Variants in GRB2 observed in about 807,000 individuals in gnomAD.
GRB2 encodes the protein growth factor receptor-bound protein 2.
In GRB2, 2 loss-of-function variants were observed where a neutral mutation model predicts 27.4. That is an observed-to-expected ratio of 0.07 (90% CI 0.03 to 0.23). The LOEUF (loss-of-function observed/expected upper bound fraction) is 0.23, where lower values mean the gene tolerates loss of function less well. Ranked by LOEUF, GRB2 falls within the 10% of genes least tolerant of loss-of-function variation. The pLI is 1.00. For missense variants in GRB2, 102 were observed against 282.4 expected (o/e 0.36, Z 4.58); for synonymous variants, 94 against 99.6 (o/e 0.94, Z 0.33).
chr17:75,370,100 C>T (rs1228193138), intron 2 of GRB2, among the ~76,000 whole-genome samples: 1 of 152,220 alleles, frequency 6.6e-6, no homozygotes, highest in Admixed American at 6.5e-5. Flanking sequence ...AGCCAGGGCC[C>T]ATGAGAAATG....
intron 4 of GRB2, among the ~76,000 whole-genome samples, chr17:75,323,811 T>C (rs4402606): frequency 0.58 from 87,308 of 150,092 alleles, 30,279 homozygotes; most frequent in East Asian, 0.86. Context: ...CTTTTCTTTT[T>C]TTTTTTTTTT....
At chr17:75,378,748 A>T (rs1298200891) in intron 2 of GRB2, among the ~76,000 whole-genome samples, 1 of 152,164 alleles carries the variant, frequency 6.6e-6, no homozygotes, top group Non-Finnish European at 1.5e-5. Context: ...TGTACTGGTA[A>T]CCTAAGTATA....
chr17:75,328,713 C>G (rs959881392), intron 3 of GRB2, among the ~76,000 whole-genome samples: 1 of 152,024 alleles, frequency 6.6e-6, no homozygotes, highest in Middle Eastern at 3.4e-3. Context: ...CCGAGGCGGG[C>G]GGGTCACAAA....
intron 2 of GRB2, among the ~76,000 whole-genome samples, chr17:75,347,851 T>C (rs1461417897): frequency 6.6e-6 from 1 of 152,176 alleles, no homozygotes; most frequent in African/African-American, 2.4e-5. Context: ...AATTTAAGTG[T>C]GTCAGGTGTT....
chr17:75,374,216 GC>G (rs947464952), intron 2 of GRB2, among the ~76,000 whole-genome samples: 1 of 151,564 alleles, frequency 6.6e-6, no homozygotes, highest in African/African-American at 2.4e-5. Flanking sequence ...GACCAGCCTG[GC>G]CATTATGGTT....
chr17:75,344,857 C>T (rs1036405102), intron 2 of GRB2, among the ~76,000 whole-genome samples: 35 of 151,630 alleles, frequency 2.3e-4, no homozygotes, highest in Non-Finnish European at 4.0e-4. Context: ...CCCTCCCAAC[C>T]CCCCCGCCTG....
intron 2 of GRB2, among the ~76,000 whole-genome samples, chr17:75,390,849 T>C (rs1217454530): frequency 5.3e-5 from 8 of 152,220 alleles, no homozygotes; most frequent in Non-Finnish European, 1.2e-4. Context: ...TCAATATCCA[T>C]ATGCACGTCT....
intron 2 of GRB2, among the ~76,000 whole-genome samples, chr17:75,357,445 G>C (rs1332306310): frequency 2.6e-5 from 4 of 152,218 alleles, no homozygotes; most frequent in South Asian, 2.1e-4. Flanking sequence ...AGGTGAAAGT[G>C]AATGTGGGGC....
At chr17:75,376,231 G>C (rs1330956921) in intron 2 of GRB2, among the ~76,000 whole-genome samples, 7 of 148,790 alleles carry the variant, frequency 4.7e-5, no homozygotes, top group African/African-American at 1.7e-4. Flanking sequence ...TATAGTCCCA[G>C]CTACTTGGGA....
At position 75,349,448 on chromosome 17, in the gene GRB2, G is replaced by A. The variant is rs1338716522; in HGVS notation, c.79-16651C>T. 2.6e-5 allele frequency among the ~76,000 whole-genome samples: 4 copies of A among 151,176 alleles called. No individual in the cohort carries two copies. In the South Asian group the frequency reaches 8.4e-4, roughly 32 times the overall value. On this transcript the variant is annotated intron_variant, in intron 2 of 5. Coordinates refer to ENST00000316804, the MANE Select transcript of GRB2 (RefSeq NM_002086.5). ...CAGAAACCTTCGAGGACACATGTAGGCTTGCCCAGAATAACTAGATCAAGG... is the reference window on the plus strand; with the variant it reads ...CAGAAACCTTCGAGGACACATGTAGACTTGCCCAGAATAACTAGATCAAGG...
At position 75,320,407 on chromosome 17, in the gene GRB2, A is replaced by G; in HGVS notation, c.615T>C (p.Phe205=). 1 of 1,614,066 alleles carries G rather than the reference A, an allele frequency of 6.2e-7. No individual in the cohort carries two copies. Among genetic ancestry groups the G allele is most frequent in the East Asian group, 2.2e-5 (1 of 44,874 alleles). The change falls in exon 6 of 6, where the codon TTT becomes TTC. Residue 205 remains phenylalanine (F), a synonymous_variant. Transcript: ENST00000316804. The surrounding 1 kb of genome is among the most constrained non-coding windows in gnomAD (Gnocchi z 4.3). ...KGACHGQTGM[F]PRNYVTPVNR... is the part of the protein sequence containing the mutation. Reference sequence around the variant, plus strand: ...TCACGGGGGTGACATAATTGCGGGGAAACATGCCGGTCTGCCCGTGGCAAG... The same window carrying G: ...TCACGGGGGTGACATAATTGCGGGGGAACATGCCGGTCTGCCCGTGGCAAG...
At chr17:75,375,096 G>A (rs2078883881) in intron 2 of GRB2, among the ~76,000 whole-genome samples, 1 of 151,850 alleles carries the variant, frequency 6.6e-6, no homozygotes, top group African/African-American at 2.4e-5. Flanking sequence ...TTGTAGACGG[G>A]GGGGTCTCAC....
In GRB2 at chr17:75,401,422, G is replaced by A. The variant is rs535486178; in HGVS notation, c.-138+4067C>T. Among the ~76,000 whole-genome samples, 13 of 141,994 alleles carry A rather than the reference G, an allele frequency of 9.2e-5. No individual in the cohort carries two copies. In the South Asian group the frequency reaches 1.4e-3, roughly 15 times the overall value. 93.2% of individuals were successfully genotyped at this position (141,994 alleles called of 152,430 possible). ...ATTGCGCCACTGCAGTCCGCAGTCCGGCCTGGGCGACAGAGCGAGACTCCG... is the reference window on the plus strand; with the variant it reads ...ATTGCGCCACTGCAGTCCGCAGTCCAGCCTGGGCGACAGAGCGAGACTCCG... On this transcript the variant is annotated intron_variant, in intron 1 of 5. Transcript: ENST00000316804.
In GRB2 at chr17:75,320,560, A is replaced by T; in HGVS notation, c.469-7T>A. On this transcript the variant is annotated splice_polypyrimidine_tract_variant and splice_region_variant and intron_variant, in intron 5 of 5. Coordinates refer to ENST00000316804, the MANE Select transcript of GRB2 (RefSeq NM_002086.5). This position sits in a 1 kb window ranked among gnomAD's most constrained non-coding sequence, Gnocchi z 4.3. Reference sequence around the variant, plus strand: ...CCTGGACGTATGTCGGCTGCTGCAAAACAGGAGCAGGAAAAACCCACATTG... The same window carrying T: ...CCTGGACGTATGTCGGCTGCTGCAATACAGGAGCAGGAAAAACCCACATTG... 1 of 1,609,294 alleles carries T rather than the reference A, an allele frequency of 6.2e-7. No individual in the cohort carries two copies. The highest frequency in any genetic ancestry group is 8.5e-7 in the Non-Finnish European group (1 of 1,175,924).
intron 2 of GRB2, among the ~76,000 whole-genome samples, chr17:75,340,121 C>T (rs1473356481): frequency 6.6e-6 from 1 of 152,086 alleles, no homozygotes; most frequent in Admixed American, 6.6e-5. Context: ...CAGTTATGGT[C>T]CCATCAAGCC....
intron 2 of GRB2, among the ~76,000 whole-genome samples, chr17:75,359,088 G>A (rs1214761712): frequency 2.3e-5 from 3 of 133,110 alleles, no homozygotes; most frequent in Admixed American, 8.3e-5. Context: ...GGTGGCACAC[G>A]CCTGTAATCC....
At chr17:75,383,025 T>TCGG in intron 2 of GRB2, among the ~76,000 whole-genome samples, 3 of 151,492 alleles carry the variant, frequency 2.0e-5, no homozygotes, top group South Asian at 2.1e-4. Context: ...CTTAAGATTT[T>TCGG]TAAAAGTTGT....
intron 2 of GRB2, among the ~76,000 whole-genome samples, chr17:75,342,694 A>G (rs972992590): frequency 1.3e-5 from 2 of 152,160 alleles, no homozygotes; most frequent in Admixed American, 1.3e-4. Flanking sequence ...GTCTTCCTGT[A>G]ACGTAAGCAC....
chr17:75,358,713 A>AAC (rs994747495), intron 2 of GRB2, among the ~76,000 whole-genome samples: 7 of 146,442 alleles, frequency 4.8e-5, no homozygotes, highest in African/African-American at 1.7e-4. Flanking sequence ...AAAAAAAAAA[A>AAC]AAAAAAAAAA....
Sources: gnomAD v4.1 joint callset for allele counts (sites outside exome capture counted in the v4.1 genomes callset) on GRCh38, gnomAD v4.1.1 for gene constraint, Gnocchi (gnomAD v3.1) non-coding constraint, MANE v1.5 for transcripts, NCBI Gene and HGNC (gene_info 2026-07-23, HGNC 2026-07-21) for gene names.